Variants in DPP6 observed in about 807,000 individuals in gnomAD.
The protein encoded by DPP6 is A-type potassium channel modulatory protein DPP6.
DPP6 carries 69 observed loss-of-function variants against 122.6 expected under a neutral mutation model. The ratio of observed to expected loss-of-function variants is 0.56; its 90% CI spans 0.46 to 0.69. The LOEUF (loss-of-function observed/expected upper bound fraction) is 0.69. Ranked by LOEUF, DPP6 falls within the 30% of genes least tolerant of loss-of-function variation. The probability of loss-of-function intolerance (pLI) is 0.00; values close to 1 mark genes in which losing one functional copy is unlikely to be tolerated. For missense variants in DPP6, 928 were observed against 1,116.9 expected (o/e 0.83, Z 2.41); for synonymous variants, 418 against 433.1 (o/e 0.97, Z 0.43).
the DPP6 span, among the ~76,000 whole-genome samples, chr7:153,758,987 T>G: frequency 6.6e-6 from 1 of 151,994 alleles, no homozygotes; most frequent in Admixed American, 6.6e-5. Context: ...AATTTTATAT[T>G]TCTACCTGCA....
chr7:154,487,095 CTTTA>C (rs913825896), intron 3 of DPP6, among the ~76,000 whole-genome samples: 3 of 152,126 alleles, frequency 2.0e-5, no homozygotes, highest in African/African-American at 7.2e-5. Context: ...CGCGTTTCAA[CTTTA>C]TTTGTTTGCA....
intron 1 of DPP6, among the ~76,000 whole-genome samples, chr7:154,364,827 C>T (rs975336946): frequency 4.2e-4 from 64 of 152,120 alleles, no homozygotes; most frequent in Non-Finnish European, 7.5e-4. Context: ...GGAGTTACAT[C>T]GGAACCGGCA....
chr7:153,870,185 T>C, the DPP6 span, among the ~76,000 whole-genome samples: 1 of 152,224 alleles, frequency 6.6e-6, no homozygotes, highest in East Asian at 1.9e-4. Flanking sequence ...TTCCTGAATC[T>C]GAATGTTGGC....
At chr7:154,389,798 A>G (rs1382318696) in intron 1 of DPP6, among the ~76,000 whole-genome samples, 2 of 152,236 alleles carry the variant, frequency 1.3e-5, no homozygotes, top group Admixed American at 6.5e-5. Context: ...ACTTTCATAC[A>G]TAGCAATTGA....
intron 25 of DPP6, chr7:154,890,697 C>T (rs1383666037): frequency 6.6e-6 from 1 of 152,302 alleles, no homozygotes; most frequent in Non-Finnish European, 1.5e-5. Flanking sequence ...CAGCAAAGGC[C>T]TTCACAGACA....
intron 16 of DPP6, among the ~76,000 whole-genome samples, chr7:154,815,687 C>T (rs1216505658): frequency 2.0e-5 from 3 of 152,140 alleles, no homozygotes; most frequent in Non-Finnish European, 4.4e-5. Flanking sequence ...CTCCTGAAGC[C>T]GAGGATGGAA....
intron 1 of DPP6, among the ~76,000 whole-genome samples, chr7:154,070,089 C>T (rs942160585): frequency 1.1e-4 from 16 of 151,830 alleles, no homozygotes; most frequent in Non-Finnish European, 2.1e-4. Flanking sequence ...GCAATGATCC[C>T]CACACCGAGG....
At chr7:154,430,363 C>T (rs57810123) in intron 1 of DPP6, among the ~76,000 whole-genome samples, 318 of 152,316 alleles carry the variant, frequency 2.1e-3, no homozygotes, top group African/African-American at 7.2e-3. Context: ...GCTTAAGCAG[C>T]AGCAATGTAT....
rs564724478 is a variant in DPP6, at chr7:154,834,050, A to G, written c.1667-19730A>G. On this transcript the variant is annotated intron_variant, in intron 16 of 25. Transcript: ENST00000377770. ...CAAACAGAAACAAGATGAAGAAACA[A>G]CTCAATGATGAGTTGTGCCTTGCCA... Among the ~76,000 whole-genome samples the G allele has an allele frequency of 2.0e-5, 3 of 152,046 alleles. No individual in the cohort carries two copies. The East Asian group carries it at 5.8e-4, about 29-fold the overall frequency.
At chr7:154,472,829 C>T (rs1822397813) in intron 2 of DPP6, among the ~76,000 whole-genome samples, 1 of 152,122 alleles carries the variant, frequency 6.6e-6, no homozygotes, top group Non-Finnish European at 1.5e-5. Context: ...ATTTTGATAG[C>T]ATATATCATA....
At chr7:154,514,161 A>G (rs1207545868) in intron 3 of DPP6, among the ~76,000 whole-genome samples, 2 of 152,138 alleles carry the variant, frequency 1.3e-5, no homozygotes, top group Non-Finnish European at 2.9e-5. Flanking sequence ...CTGTAATCCT[A>G]GCTGCTTGGG....
At position 154,732,102 on chromosome 7, in the gene DPP6, A is replaced by C. The variant is rs983347989; in HGVS notation, c.883+4215A>C. Among the ~76,000 whole-genome samples the C allele has an allele frequency of 4.6e-5, 7 of 151,440 alleles. No homozygotes were observed. The East Asian group carries it at 1.4e-3, about 29-fold the overall frequency. ...CACCCAGGCTGGAGTGTAGTGGCGC[A>C]ATCTCGGCTCACTGCAAGCTCCGCC... On this transcript the variant is annotated intron_variant, in intron 8 of 25. Coordinates refer to ENST00000377770, the MANE Select transcript of DPP6 (RefSeq NM_130797.4).
chr7:154,297,724 T>G (rs1805635786), intron 1 of DPP6, among the ~76,000 whole-genome samples: 1 of 152,236 alleles, frequency 6.6e-6, no homozygotes, highest in Admixed American at 6.5e-5. Context: ...GCATGGCTCC[T>G]CTTCTCACAA....
the DPP6 span, among the ~76,000 whole-genome samples, chr7:153,773,030 TAA>T: frequency 2.7e-5 from 4 of 146,286 alleles, no homozygotes; most frequent in African/African-American, 7.4e-5. Context: ...TAATAATATA[TAA>T]AAGTCTTTGA....
At chr7:154,608,682 C>T (rs28361301) in intron 5 of DPP6, among the ~76,000 whole-genome samples, 10,692 of 151,952 alleles carry the variant, frequency 0.07, 379 homozygotes, top group Non-Finnish European at 0.074. Flanking sequence ...CATCCCTGTA[C>T]TCATTTCATG....
chr7:154,538,427 G>C (rs78648913), intron 3 of DPP6, among the ~76,000 whole-genome samples: 1 of 151,900 alleles, frequency 6.6e-6, no homozygotes, highest in Middle Eastern at 3.2e-3. Flanking sequence ...AGTGTATGTC[G>C]TTCCCCTCTC....
intron 1 of DPP6, among the ~76,000 whole-genome samples, chr7:154,153,692 A>G (rs1446505851): frequency 2.6e-5 from 4 of 152,242 alleles, no homozygotes; most frequent in Non-Finnish European, 5.9e-5. Context: ...CAAATAGTAA[A>G]TATTTTAGGC....
intron 7 of DPP6, among the ~76,000 whole-genome samples, chr7:154,674,764 G>A (rs62475190): frequency 1.9e-3 from 296 of 152,282 alleles, no homozygotes; most frequent in Non-Finnish European, 3.0e-3. Flanking sequence ...TGCTGGAACT[G>A]GGGAGAGAGC....
chr7:154,482,853 T>TGTCA (rs1554564829), intron 3 of DPP6, among the ~76,000 whole-genome samples: 3 of 152,088 alleles, frequency 2.0e-5, no homozygotes, highest in Non-Finnish European at 4.4e-5. Flanking sequence ...AAGAGAGCAC[T>TGTCA]GTCAAGGCTG....
Sources: gnomAD v4.1 joint callset for allele counts (sites outside exome capture counted in the v4.1 genomes callset) on GRCh38, gnomAD v4.1.1 for gene constraint, MANE v1.5 for transcripts, NCBI Gene and HGNC (gene_info 2026-07-23, HGNC 2026-07-21) for gene names.